The following GPR3 variants were observed in gnomAD, a reference collection of about 807,000 sequenced individuals.
GPR3 encodes the protein ACCA orphan receptor.
GPR3 carries 16 observed loss-of-function variants against 18.2 expected under a neutral mutation model. The ratio of observed to expected loss-of-function variants is 0.88; its 90% CI spans 0.60 to 1.34. The LOEUF is 1.34. GPR3 is among the 40% of genes most tolerant of loss of function. GPR3 has a pLI of 0.00. For missense variants in GPR3, 326 were observed against 427.6 expected (o/e 0.76, Z 2.10); for synonymous variants, 183 against 188.9 (o/e 0.97, Z 0.26).
chr1:27,394,782 T>C lies in GPR3; in HGVS notation c.984T>C (p.Ser328=), dbSNP rs776131786. ...SKIPFRSRSP[S]DV ...TCCCCTTCCGATCCCGCTCCCCCAG[T>C]GATGTCTAGCTGAGTCTTCATGACC... The change falls in exon 2 of 2, where the codon AGT becomes AGC. Residue 328 remains serine, a synonymous_variant. Transcript: ENST00000374024. 5.6e-6 allele frequency: 9 copies of C among 1,613,452 alleles called. No individual in the cohort carries two copies. Among genetic ancestry groups the C allele is most frequent in the Non-Finnish European group, 7.6e-6 (9 of 1,179,642 alleles).
intron 1 of GPR3, among the ~76,000 whole-genome samples, chr1:27,393,249 CA>C (rs2016507076): frequency 6.6e-6 from 1 of 151,562 alleles, no homozygotes; most frequent in African/African-American, 2.4e-5. Context: ...GCTGAGTTCC[CA>C]GGTGTTACCG....
At chr1:27,392,806 C>G (rs2016501901) in intron 1 of GPR3, 69 bp downstream of exon 1, 1 of 152,308 alleles carries the variant, frequency 6.6e-6, no homozygotes. Flanking sequence ...GGCACTGGGC[C>G]GGCGGAAGGC....
intron 1 of GPR3, 66 bp from the exon 2 acceptor site, chr1:27,393,728 C>A (rs1369006008): frequency 1.5e-6 from 2 of 1,375,832 alleles, no homozygotes; most frequent in South Asian, 1.4e-5. Context: ...AAGCACCTCA[C>A]CCCCTCCAGA....
rs2230880 is a variant in GPR3 at position 27,394,569 on chromosome 1, C to T, written c.771C>T (p.Ala257=). Residue 257 remains alanine (A), a synonymous_variant, in exon 2 of 2, where the codon GCC becomes GCT. Transcript: ENST00000374024. ...ATLAVVLGAF[A]ACWLPFTVYC... ...TGGCCGTGGTGCTTGGAGCCTTTGC[C>T]GCCTGCTGGTTGCCCTTCACTGTCT... 20,961 of 1,614,168 alleles carry T rather than the reference C, an allele frequency of 0.013. 185 individuals carry two copies. Among genetic ancestry groups the T allele is most frequent in the Non-Finnish European group, 0.015 (18,190 of 1,180,024 alleles).
At chr1:27,393,740 C>T (rs1002628359) in intron 1 of GPR3, 54 bp from the exon 2 acceptor site, 1 of 1,481,358 alleles carries the variant, frequency 6.8e-7, no homozygotes, top group Non-Finnish European at 9.1e-7. Flanking sequence ...CCCTCCAGAC[C>T]CCAACTCCCA....
rs2016525864 is a variant in GPR3, at chr1:27,394,634, CCT to C, written c.837_838del (p.Tyr280SerfsTer49). The stretch of plus-strand genomic sequence containing the variant: ...GATGCCCACTCTCCACCTCTCTACA[CCT>C]ATCTTACCTTGCTCCCTGCCACCTA... On this transcript the variant is annotated frameshift_variant, in exon 2 of 2. Transcript: ENST00000374024. LOFTEE classifies it high-confidence loss of function. 6.2e-7 allele frequency: 1 copy of C among 1,614,076 alleles called. No homozygotes were observed. The highest frequency in any genetic ancestry group is 1.3e-5 in the African/African-American group (1 of 74,916).
intron 1 of GPR3, among the ~76,000 whole-genome samples, chr1:27,393,227 G>C (rs868244300): frequency 7.5e-6 from 1 of 134,000 alleles, no homozygotes. Flanking sequence ...CTGGGAGGGT[G>C]GGGGGTGGGG....
rs2016532331 is a variant in GPR3, at chr1:27,395,180, G to T, written c.*389G>T. The T allele has an allele frequency of 4.4e-6, 1 of 229,542 alleles. No homozygotes were observed. Among genetic ancestry groups the T allele is most frequent in the Admixed American group, 5.2e-5 (1 of 19,280 alleles). The allele number at this position is 229,542 out of a possible 1,614,324, so 14.2% of individuals were successfully genotyped here. ...ATTAGTCACATAGTTGCCTAAATAG[G>T]AGAGAGAAAGATTATATATGCACAT... On this transcript the variant is annotated 3_prime_UTR_variant, in exon 2 of 2. Coordinates refer to ENST00000374024, the MANE Select transcript of GPR3 (RefSeq NM_005281.4).
chr1:27,395,553 G>A lies in GPR3; in HGVS notation c.*762G>A, dbSNP rs1322915312. ...GCAACCAAAAATTCCTCTGCGCTGG[G>A]GTCCGACTGCCCTCTGGTGGCCATT... On this transcript the variant is annotated 3_prime_UTR_variant, in exon 2 of 2. Coordinates refer to ENST00000374024, the MANE Select transcript of GPR3 (RefSeq NM_005281.4). The A allele has an allele frequency of 6.0e-6, 1 of 167,088 alleles. No individual in the cohort carries two copies. Among genetic ancestry groups the A allele is most frequent in the African/African-American group, 2.4e-5 (1 of 41,440 alleles). 10.4% of individuals were successfully genotyped at this position (167,088 alleles called of 1,614,324 possible).
At position 27,394,383 on chromosome 1, in the gene GPR3, G is replaced by A. The variant is rs1265016270; in HGVS notation, c.585G>A (p.Leu195=). 2.5e-6 allele frequency: 4 copies of A among 1,614,018 alleles called. No homozygotes were observed. Among genetic ancestry groups the A allele is most frequent in the Admixed American group, 1.7e-5 (1 of 60,006 alleles). Residue 195 remains leucine (L), a synonymous_variant, in exon 2 of 2, where the codon CTG becomes CTA. Transcript: ENST00000374024. ...GVVYPLSKNH[L]VVLAIAFFMV... ...TTTATCCACTCTCCAAGAACCATCT[G>A]GTAGTTCTGGCCATTGCCTTCTTCA...
Position 27,392,642 on chromosome 1 carries a change from C to A in GPR3, c.-101C>A, listed in dbSNP as rs907220688. On this transcript the variant is annotated 5_prime_UTR_variant, in exon 1 of 2. Coordinates refer to ENST00000374024, the MANE Select transcript of GPR3 (RefSeq NM_005281.4). ...GCGGGGTGACTCACGCCGCTTCTCC[C>A]GCGGCCGCGGGGGCTTCTCGGGGTC... 6.6e-6 allele frequency: 1 copy of A among 152,026 alleles called. No individual in the cohort carries two copies. The highest frequency in any genetic ancestry group is 1.5e-5 in the Non-Finnish European group (1 of 67,986). The allele number at this position is 152,026 out of a possible 1,614,324, so 9.4% of individuals were successfully genotyped here. A position where few individuals can be genotyped will look rare whatever the true frequency, so the allele number is the denominator to read the frequency against.
At position 27,394,134 on chromosome 1, in the gene GPR3, G is replaced by T. The variant is rs368777550; in HGVS notation, c.336G>T (p.Leu112=). ...CIGSAEMSLV[L]VGVLAMAFTA... is the part of the protein sequence containing the mutation. ...GCTCAGCGGAGATGAGCCTGGTGCTGGTTGGCGTGCTGGCAATGGCCTTTA... is the reference window on the plus strand; with the variant it reads ...GCTCAGCGGAGATGAGCCTGGTGCTTGTTGGCGTGCTGGCAATGGCCTTTA... The change falls in exon 2 of 2, where the codon CTG becomes CTT. Residue 112 remains leucine, a synonymous_variant. Coordinates refer to ENST00000374024, the MANE Select transcript of GPR3 (RefSeq NM_005281.4). 3.7e-6 allele frequency: 6 copies of T among 1,613,284 alleles called. No individual in the cohort carries two copies. Among genetic ancestry groups the T allele is most frequent in the East Asian group, 2.2e-5 (1 of 44,884 alleles).
Position 27,394,641 on chromosome 1 carries a change from T to A in GPR3, c.843T>A (p.Leu281=), listed in dbSNP as rs2016525993. Residue 281 remains leucine, a synonymous_variant, in exon 2 of 2, where the codon CTT becomes CTA. Coordinates refer to ENST00000374024, the MANE Select transcript of GPR3 (RefSeq NM_005281.4). ...ACTCTCCACCTCTCTACACCTATCT[T>A]ACCTTGCTCCCTGCCACCTACAACT... The part of the protein sequence containing the change: ...DAHSPPLYTY[L]TLLPATYNSM... The A allele has an allele frequency of 6.2e-7, 1 of 1,614,036 alleles. No homozygotes were observed.
In GPR3 at chr1:27,394,446, C is replaced by G; in HGVS notation, c.648C>G (p.Ile216Met). The G allele has an allele frequency of 6.2e-7, 1 of 1,614,164 alleles. No homozygotes were observed. The highest frequency in any genetic ancestry group is 8.5e-7 in the Non-Finnish European group (1 of 1,180,028). Residue 216 changes from isoleucine to methionine, a missense_variant, in exon 2 of 2, where the codon ATC (isoleucine) becomes ATG (methionine). By Grantham distance (10) the Ile-to-Met change is conservative. Coordinates refer to ENST00000374024, the MANE Select transcript of GPR3 (RefSeq NM_005281.4). ...FGIMLQLYAQ[I>M]CRIVCRHAQQ... Reference sequence around the variant, plus strand: ...TCATGCTGCAGCTCTACGCCCAAATCTGCCGCATCGTCTGCCGCCATGCCC... The same window carrying G: ...TCATGCTGCAGCTCTACGCCCAAATGTGCCGCATCGTCTGCCGCCATGCCC...
Position 27,394,979 on chromosome 1 carries a change from A to G in GPR3, c.*188A>G, listed in dbSNP as rs2016530153. On this transcript the variant is annotated 3_prime_UTR_variant, in exon 2 of 2. Transcript: ENST00000374024. ...GGCCCAGCTGGCTCCACGGTTCCAG[A>G]ATGTTCAGGTGGTCAGTGTTCTACT... 7 of 623,914 alleles carry G rather than the reference A, an allele frequency of 1.1e-5. No individual in the cohort carries two copies. 38.6% of individuals were successfully genotyped at this position (623,914 alleles called of 1,614,324 possible).
In GPR3 at chr1:27,395,039, C is replaced by G; in HGVS notation, c.*248C>G. 6.1e-6 allele frequency: 3 copies of G among 490,200 alleles called. No individual in the cohort carries two copies. The highest frequency in any genetic ancestry group is 7.4e-6 in the Non-Finnish European group (2 of 269,220). 30.4% of individuals were successfully genotyped at this position (490,200 alleles called of 1,614,324 possible). On this transcript the variant is annotated 3_prime_UTR_variant, in exon 2 of 2. Coordinates refer to ENST00000374024, the MANE Select transcript of GPR3 (RefSeq NM_005281.4). The stretch of plus-strand genomic sequence containing the variant: ...CTCACAGCCCAGCTGGGTTGCAATT[C>G]CAGAATGCTGGGAGTTTTACAGTGC...
chr1:27,394,856 C>T lies in GPR3; in HGVS notation c.*65C>T, dbSNP rs2016528816. ...TTCCAGAATGTTAGGCTCTCCAGGG[C>T]TTCTTTCCAAACCCCCAGCTCCACA... On this transcript the variant is annotated 3_prime_UTR_variant, in exon 2 of 2. Transcript: ENST00000374024. 6.5e-7 allele frequency: 1 copy of T among 1,542,640 alleles called. No homozygotes were observed. The highest frequency in any genetic ancestry group is 1.4e-5 in the African/African-American group (1 of 73,606).
At position 27,394,731 on chromosome 1, in the gene GPR3, C is replaced by T. The variant is rs755069678; in HGVS notation, c.933C>T (p.Val311=). ...ATGTGCAGAAAGTGCTGTGGGCTGT[C>T]TGCTGCTGCTGTTCCTCTTCCAAGA... The part of the protein sequence containing the change: ...NQDVQKVLWA[V]CCCCSSSKIP... Residue 311 remains valine (V), a synonymous_variant, in exon 2 of 2, where the codon GTC becomes GTT. Transcript: ENST00000374024. 101 of 1,613,990 alleles carry T rather than the reference C, an allele frequency of 6.3e-5. No homozygotes were observed. Among genetic ancestry groups the T allele is most frequent in the Non-Finnish European group, 8.4e-5 (99 of 1,179,980 alleles).
rs923095365 is a variant in GPR3 at position 27,393,942 on chromosome 1, C to T, written c.144C>T (p.Cys48=). The change falls in exon 2 of 2, where the codon TGC becomes TGT. Residue 48 remains cysteine, a synonymous_variant. Coordinates refer to ENST00000374024, the MANE Select transcript of GPR3 (RefSeq NM_005281.4). ...CTAAGGCCTGGGATGTGGTGCTCTG[C>T]ATCTCAGGCACCCTGGTGTCCTGCG... is the stretch of plus-strand genomic sequence containing the variant. ...PSPKAWDVVL[C]ISGTLVSCEN... is the part of the protein sequence containing the mutation. The T allele has an allele frequency of 6.2e-7, 1 of 1,611,458 alleles. No homozygotes were observed.
Sources: allele counts gnomAD v4.1 joint callset (sites outside exome capture counted in the v4.1 genomes callset), GRCh38; gene constraint gnomAD v4.1.1; transcripts MANE v1.5; gene names NCBI Gene and HGNC (gene_info 2026-07-23, HGNC 2026-07-21).